Variants in TANC1 observed in about 807,000 individuals in gnomAD.
TANC1 encodes the protein protein TANC1.
Under a neutral mutation model 149.7 loss-of-function variants are expected in TANC1, and 77 were observed. That is an observed-to-expected ratio of 0.51 (90% CI 0.43 to 0.62). The LOEUF (loss-of-function observed/expected upper bound fraction) is 0.62, where lower values mean the gene tolerates loss of function less well. Among genes scored for constraint, TANC1 ranks in the 20% least tolerant of loss-of-function variants. TANC1 has a pLI of 0.00. For missense variants in TANC1, 1,985 were observed against 2,321.8 expected, an observed-to-expected ratio of 0.85 and a Z score of 2.98; for synonymous variants, 854 against 925.0, an observed-to-expected ratio of 0.92 and a Z score of 1.39.
intron 4 of TANC1, among the ~76,000 whole-genome samples, chr2:159,135,034 T>C (rs1033276377): frequency 6.6e-6 from 1 of 152,214 alleles, no homozygotes; most frequent in Non-Finnish European, 1.5e-5. Context: ...CAACCATCCC[T>C]ACAACCTAAT....
intron 19 of TANC1, 101 bp downstream of exon 19, chr2:159,199,154 G>A (rs1017253112): frequency 5.1e-6 from 4 of 781,754 alleles, no homozygotes. Flanking sequence ...ATGTAGTCCT[G>A]TTTCTATTTT....
intron 4 of TANC1, among the ~76,000 whole-genome samples, chr2:159,112,394 T>A (rs2047818333): frequency 6.6e-6 from 1 of 152,140 alleles, no homozygotes; most frequent in Non-Finnish European, 1.5e-5. Flanking sequence ...TAGCTGGGAC[T>A]ATGGGCAGAT....
At chr2:159,159,442 A>C (rs2053780412) in intron 7 of TANC1, among the ~76,000 whole-genome samples, 1 of 150,086 alleles carries the variant, frequency 6.7e-6, no homozygotes, top group African/African-American at 2.4e-5. Flanking sequence ...CCTGTCTCAA[A>C]AAAAAAAAAA....
Position 159,178,004 on chromosome 2 carries a change from C to A in TANC1, c.1903-552C>A, listed in dbSNP as rs190624257. 2.9e-3 allele frequency among the ~76,000 whole-genome samples: 441 copies of A among 152,344 alleles called. 4 individuals carry two copies. The highest frequency in any genetic ancestry group is 0.01 in the African/African-American group (425 of 41,586). ...TTTAAAAAAGCAATTCATAAAATAA[C>A]GTGCTATACCAAAGTAGGCAGCTTT... On this transcript the variant is annotated intron_variant, in intron 13 of 26. Transcript: ENST00000263635.
intron 1 of TANC1, among the ~76,000 whole-genome samples, chr2:158,994,231 A>G (rs1306927155): frequency 1.3e-5 from 2 of 152,110 alleles, no homozygotes; most frequent in Non-Finnish European, 2.9e-5. Flanking sequence ...AGGAGCAGAG[A>G]AGGGATATAT....
At chr2:159,225,184 C>T (rs2059941500) in intron 23 of TANC1, 1 of 170,926 alleles carries the variant, frequency 5.9e-6, no homozygotes, top group African/African-American at 2.4e-5. Flanking sequence ...TAGCAGCTGG[C>T]TCCAGGGCTG....
chr2:159,186,058 G>A (rs575708708), intron 15 of TANC1, among the ~76,000 whole-genome samples, 159 bp downstream of exon 15: 31 of 152,322 alleles, frequency 2.0e-4, no homozygotes, highest in Non-Finnish European at 4.3e-4. Context: ...AGTAACCGCT[G>A]TTCTGACTCA....
chr2:159,189,007 CATTA>C (rs2057242111), intron 16 of TANC1, among the ~76,000 whole-genome samples: 1 of 152,340 alleles, frequency 6.6e-6, no homozygotes, highest in African/African-American at 2.4e-5. Flanking sequence ...CTGTGACCAT[CATTA>C]GCTTTGTGCT....
At chr2:159,061,778 A>G (rs1317506022) in intron 2 of TANC1, among the ~76,000 whole-genome samples, 1 of 152,202 alleles carries the variant, frequency 6.6e-6, no homozygotes, top group Non-Finnish European at 1.5e-5. Context: ...ATATAATGGA[A>G]AGAAATGACA....
At chr2:159,024,621 T>C (rs183129356) in intron 2 of TANC1, among the ~76,000 whole-genome samples, 128 of 152,076 alleles carry the variant, frequency 8.4e-4, no homozygotes, top group African/African-American at 3.0e-3. Context: ...CATGGTGGCA[T>C]GTGTCTGTAA....
chr2:159,230,182 G>A lies in TANC1; in HGVS notation c.4756G>A (p.Gly1586Ser), dbSNP rs1266282661. ...CAGAACCCAGCATTTAGAGGGAACA[G>A]GTACTTTCACTACAAGAGCTGGTTG... ...GSRTQHLEGT[G>S]TFTTRAGCGH... The change falls in exon 27 of 27, where the codon GGT becomes AGT. Residue 1586 changes from glycine to serine, a missense_variant. Transcript: ENST00000263635. The surrounding 1 kb of genome is among the most constrained non-coding windows in gnomAD (Gnocchi z 4.4). The A allele has an allele frequency of 1.9e-6, 3 of 1,613,934 alleles. No homozygotes were observed. Among genetic ancestry groups the A allele is most frequent in the African/African-American group, 1.3e-5 (1 of 74,944 alleles).
chr2:158,992,541 C>T (rs776504068), intron 1 of TANC1, among the ~76,000 whole-genome samples: 2 of 151,982 alleles, frequency 1.3e-5, no homozygotes, highest in Non-Finnish European at 1.5e-5. Context: ...CTTGCCCTGT[C>T]GCCCAGGCTG....
intron 2 of TANC1, among the ~76,000 whole-genome samples, chr2:159,059,907 T>C (rs1030208213): frequency 8.3e-6 from 1 of 120,088 alleles, no homozygotes; most frequent in Non-Finnish European, 1.6e-5. Context: ...TGTGTGTGTG[T>C]GTGTGTGTGT....
rs528151901 is a variant in TANC1 at position 159,186,655 on chromosome 2, C to A, written c.2620-247C>A. Among the ~76,000 whole-genome samples the A allele has an allele frequency of 9.2e-5, 14 of 152,280 alleles. No individual in the cohort carries two copies. In the South Asian group the frequency reaches 2.9e-3, roughly 32 times the overall value. ...CAAGACTCTGACTCAAAGAGAAACT[C>A]TCATCTGCCATCTCTCTCCCAAGGC... On this transcript the variant is annotated intron_variant, in intron 15 of 26. Transcript: ENST00000263635.
chr2:159,155,927 TC>T (rs897601712), intron 7 of TANC1, among the ~76,000 whole-genome samples: 2 of 152,196 alleles, frequency 1.3e-5, no homozygotes, highest in African/African-American at 4.8e-5. Context: ...ACTTTTATCT[TC>T]CTTTGACTCT....
intron 19 of TANC1, among the ~76,000 whole-genome samples, chr2:159,212,292 C>T (rs58796029): frequency 0.025 from 3,872 of 152,236 alleles, 82 homozygotes; most frequent in South Asian, 0.05. Flanking sequence ...TTCTTCTGGT[C>T]AACCAGGGAG....
At position 159,177,197 on chromosome 2, in the gene TANC1, A is replaced by G. The variant is rs193081382; in HGVS notation, c.1902+679A>G. On this transcript the variant is annotated intron_variant, in intron 13 of 26. Coordinates refer to ENST00000263635, the MANE Select transcript of TANC1 (RefSeq NM_033394.3). ...AGTGCTGGGATTACAGGCATGAGCC[A>G]CTGTGCCTGGCTGAAGGTGAAACAT... Among the ~76,000 whole-genome samples the G allele has an allele frequency of 2.0e-5, 3 of 152,260 alleles. No individual in the cohort carries two copies. In the East Asian group the frequency reaches 5.8e-4, roughly 29 times the overall value.
At chr2:159,111,777 G>C (rs1416372046) in intron 4 of TANC1, among the ~76,000 whole-genome samples, 1 of 152,196 alleles carries the variant, frequency 6.6e-6, no homozygotes, top group Non-Finnish European at 1.5e-5. Flanking sequence ...ATGCCAGATG[G>C]AGGCGTCCTC....
intron 4 of TANC1, among the ~76,000 whole-genome samples, chr2:159,120,958 A>T (rs1353288235): frequency 6.6e-6 from 1 of 152,056 alleles, no homozygotes; most frequent in Non-Finnish European, 1.5e-5. Flanking sequence ...CCCTCATCTC[A>T]GGATCCTTAA....
Sources: gnomAD v4.1 joint callset for allele counts (sites outside exome capture counted in the v4.1 genomes callset) on GRCh38, gnomAD v4.1.1 for gene constraint, Gnocchi (gnomAD v3.1) non-coding constraint, MANE v1.5 for transcripts, NCBI Gene and HGNC (gene_info 2026-07-23, HGNC 2026-07-21) for gene names.